Variants in TRRAP observed in about 807,000 individuals in gnomAD.
TRRAP encodes transformation/transcription domain-associated protein.
TRRAP carries 41 observed loss-of-function variants against 438.8 expected under a neutral mutation model. The ratio of observed to expected loss-of-function variants is 0.09; its 90% CI spans 0.07 to 0.12. TRRAP has a LOEUF of 0.12. Among genes scored for constraint, TRRAP ranks in the 10% least tolerant of loss-of-function variants. The pLI, the probability that TRRAP is intolerant of heterozygous loss-of-function variation, is 1.00. For missense variants in TRRAP, 3,122 were observed against 5,055.1 expected (o/e 0.62, Z 11.60); for synonymous variants, 1,994 against 1,962.9 (o/e 1.02, Z -0.42).
intron 35 of TRRAP, among the ~76,000 whole-genome samples, 174 bp from the exon 36 acceptor site, chr7:98,949,243 G>GA (rs372885366): frequency 8.7e-4 from 123 of 141,348 alleles, no homozygotes; most frequent in Non-Finnish European, 1.1e-3. Context: ...TTTTTAAAAA[G>GA]AAAAAAAAAA....
chr7:98,999,666 T>C, intron 67 of TRRAP: 2 of 924,830 alleles, frequency 2.2e-6, no homozygotes, highest in Non-Finnish European at 3.5e-6. Context: ...TGAATGAAGG[T>C]GGGAAGGAGG....
At chr7:98,984,463 C>G (rs1379489016) in intron 61 of TRRAP, 105 bp downstream of exon 61, 1 of 1,365,146 alleles carries the variant, frequency 7.3e-7, no homozygotes. Flanking sequence ...AAGGTGGACT[C>G]GAACTTTCCA....
intron 59 of TRRAP, 137 bp downstream of exon 59, chr7:98,982,097 T>C (rs1237130925): frequency 2.1e-5 from 18 of 853,372 alleles, no homozygotes; most frequent in South Asian, 1.9e-4. Context: ...CTCCCACTTA[T>C]ACGCGTCCTC....
chr7:98,937,214 C>T lies in TRRAP; in HGVS notation c.4170C>T (p.Leu1390=). ...PQSREKIIAA[L]FKALNSTNSE... The stretch of plus-strand genomic sequence containing the variant: ...CCAGGGAGAAAATCATCGCTGCACT[C>T]TTCAAAGCCCTGAATTCCACCAATA... Residue 1390 remains leucine, a synonymous_variant, in exon 29 of 73, where the codon CTC becomes CTT. Transcript: ENST00000456197. The T allele has an allele frequency of 6.2e-7, 1 of 1,613,812 alleles. No homozygotes were observed. Among genetic ancestry groups the T allele is most frequent in the Non-Finnish European group, 8.5e-7 (1 of 1,179,788 alleles).
In TRRAP at chr7:98,925,276, C is replaced by T. The variant is rs1554411373; in HGVS notation, c.2975+13C>T. On this transcript the variant is annotated intron_variant, in intron 22 of 72. Coordinates refer to ENST00000456197, the MANE Select transcript of TRRAP (RefSeq NM_001375524.1). ...TGGCACACCCCAAGTATGTCGGCCA[C>T]TTCCTTCTGTGTGGTTGGGTGGATC... 2 of 1,612,440 alleles carry T rather than the reference C, an allele frequency of 1.2e-6. No homozygotes were observed. Among genetic ancestry groups the T allele is most frequent in the Admixed American group, 3.3e-5 (2 of 59,770 alleles).
chr7:98,982,084 C>A, intron 59 of TRRAP, 124 bp downstream of exon 59: 1 of 988,262 alleles, frequency 1.0e-6, no homozygotes, highest in Non-Finnish European at 1.4e-6. Flanking sequence ...CTTGTCTTGT[C>A]CTCTCCCACT....
At chr7:98,946,873 A>G (rs1337861559) in intron 33 of TRRAP, among the ~76,000 whole-genome samples, 1 of 152,254 alleles carries the variant, frequency 6.6e-6, no homozygotes, top group African/African-American at 2.4e-5. Flanking sequence ...TAAAAGTACC[A>G]TTTTAGAATG....
chr7:98,928,513 T>C (rs1170670455), intron 23 of TRRAP, among the ~76,000 whole-genome samples: 1 of 152,218 alleles, frequency 6.6e-6, no homozygotes, highest in African/African-American at 2.4e-5. Context: ...GTTTGTTCTT[T>C]GTTAACATTG....
At chr7:98,999,951 A>G (rs1793840486) in intron 67 of TRRAP, 5 of 240,432 alleles carry the variant, frequency 2.1e-5, no homozygotes, top group Non-Finnish European at 3.9e-5. Context: ...GGAATTGTTA[A>G]TAACAATCAG....
At position 98,890,324 on chromosome 7, in the gene TRRAP, T is replaced by C; in HGVS notation, c.151-11T>C. On this transcript the variant is annotated splice_polypyrimidine_tract_variant and intron_variant, in intron 3 of 72. Transcript: ENST00000456197. Reference sequence around the variant, plus strand: ...ATAACTGAATGGGGTCTTTTATTTTTGCACAATTAGAATGTCACGTCATCT... The same window carrying C: ...ATAACTGAATGGGGTCTTTTATTTTCGCACAATTAGAATGTCACGTCATCT... The C allele has an allele frequency of 6.7e-7, 1 of 1,502,646 alleles. No individual in the cohort carries two copies. The highest frequency in any genetic ancestry group is 8.9e-7 in the Non-Finnish European group (1 of 1,121,090). 93.1% of individuals were successfully genotyped at this position (1,502,646 alleles called of 1,614,324 possible).
intron 5 of TRRAP, among the ~76,000 whole-genome samples, 193 bp downstream of exon 5, chr7:98,892,721 T>C (rs1554405121): frequency 6.6e-6 from 1 of 152,222 alleles, no homozygotes. Context: ...TTGAAAATCA[T>C]TGTTTGAGTT....
intron 20 of TRRAP, among the ~76,000 whole-genome samples, chr7:98,918,405 A>G (rs1444045760): frequency 6.6e-6 from 1 of 151,304 alleles, no homozygotes; most frequent in African/African-American, 2.4e-5. Flanking sequence ...TAATTTTTGT[A>G]TTTTAGTAGA....
intron 18 of TRRAP, among the ~76,000 whole-genome samples, chr7:98,912,701 A>G (rs1280137008): frequency 1.3e-5 from 2 of 152,114 alleles, no homozygotes; most frequent in Admixed American, 1.3e-4. Flanking sequence ...CAGTGATGCA[A>G]ACGAACTTAT....
At chr7:98,989,074 C>T (rs1253992420) in intron 63 of TRRAP, 108 bp downstream of exon 63, 5 of 1,120,370 alleles carry the variant, frequency 4.5e-6, no homozygotes, top group Non-Finnish European at 6.4e-6. Flanking sequence ...GGCATGATTT[C>T]ATGCCTTAAC....
chr7:99,011,160 C>T lies in TRRAP; in HGVS notation c.11047C>T (p.Arg3683Trp), dbSNP rs2116884191. The change falls in exon 71 of 73, where the codon CGG (arginine) becomes TGG (tryptophan). Residue 3683 changes from arginine (R) to tryptophan (W), a missense_variant. Physicochemically the swap from Arg to Trp is moderately radical, Grantham distance 101. Around this residue, in one of 24 missense-constraint regions of TRRAP, gnomAD observed 192 missense variants for 355.6 expected, o/e 0.54. Coordinates refer to ENST00000456197, the MANE Select transcript of TRRAP (RefSeq NM_001375524.1). This position sits in a 1 kb window ranked among gnomAD's most constrained non-coding sequence, Gnocchi z 7.1. ...CAATGCCACGGACTACTGGACGTTC[C>T]GGAAGATGTTCACCATCCAGCTGGC... ...FPNATDYWTFRKMFTIQLALI... is the reference protein window; with the variant it reads ...FPNATDYWTFWKMFTIQLALI... 4 of 1,614,146 alleles carry T rather than the reference C, an allele frequency of 2.5e-6. No homozygotes were observed. In the East Asian group the frequency reaches 6.7e-5, roughly 27 times the overall value.
rs1554405319 is a variant in TRRAP at position 98,893,830 on chromosome 7, A to G, written c.399A>G (p.Leu133=). 1 of 1,613,790 alleles carries G rather than the reference A, an allele frequency of 6.2e-7. No homozygotes were observed. Among genetic ancestry groups the G allele is most frequent in the Admixed American group, 1.7e-5 (1 of 59,952 alleles). Residue 133 remains leucine (L), a synonymous_variant, in exon 6 of 73, where the codon CTA becomes CTG. Coordinates refer to ENST00000456197, the MANE Select transcript of TRRAP (RefSeq NM_001375524.1). The part of the protein sequence containing the change: ...TENEENVLIC[L]RIIIELHKQF... ...ATGAAGAAAATGTTCTTATTTGTCT[A>G]AGAATAATTATTGAGCTACACAAAC... is the stretch of plus-strand genomic sequence containing the variant.
At chr7:98,880,280 C>T (rs1470667213) in intron 1 of TRRAP, among the ~76,000 whole-genome samples, 13 of 33,186 alleles carry the variant, frequency 3.9e-4, no homozygotes, top group South Asian at 2.0e-3. Flanking sequence ...TTTTTTTTTT[C>T]CGAGACTGAA....
intron 3 of TRRAP, among the ~76,000 whole-genome samples, chr7:98,882,820 G>C (rs186969074): frequency 4.6e-5 from 7 of 151,490 alleles, no homozygotes; most frequent in Admixed American, 2.0e-4. Context: ...CACCACACCC[G>C]GCTGATTTTT....
chr7:98,956,096 G>T lies in TRRAP; in HGVS notation c.5938-50G>T. 1 of 1,533,748 alleles carries T rather than the reference G, an allele frequency of 6.5e-7. No individual in the cohort carries two copies. Among genetic ancestry groups the T allele is most frequent in the Non-Finnish European group, 8.7e-7 (1 of 1,147,216 alleles). ...GCACGTGCGCACACGTGCATGCACT[G>T]TGGGACCAAGCTCCCATGTTCCGGC... On this transcript the variant is annotated intron_variant, in intron 41 of 72. Coordinates refer to ENST00000456197, the MANE Select transcript of TRRAP (RefSeq NM_001375524.1). This position sits in a 1 kb window ranked among gnomAD's most constrained non-coding sequence, Gnocchi z 4.5.
Sources: allele counts gnomAD v4.1 joint callset (sites outside exome capture counted in the v4.1 genomes callset), GRCh38; gene constraint gnomAD v4.1.1; regional missense constraint gnomAD v4.1.1; non-coding constraint Gnocchi (gnomAD v3.1); transcripts MANE v1.5; gene names NCBI Gene and HGNC (gene_info 2026-07-23, HGNC 2026-07-21).